Variants in PDE3A observed in about 807,000 individuals in gnomAD.
PDE3A encodes the protein cGMP-inhibited 3',5'-cyclic phosphodiesterase 3A.
In PDE3A, 43 loss-of-function variants were observed where a neutral mutation model predicts 98.3. That is an observed-to-expected ratio of 0.44 (90% CI 0.34 to 0.56). The LOEUF (loss-of-function observed/expected upper bound fraction) is 0.56, where lower values mean the gene tolerates loss of function less well. Ranked by LOEUF, PDE3A falls within the 20% of genes least tolerant of loss-of-function variation. The probability of loss-of-function intolerance (pLI) is 0.01; values close to 1 mark genes in which losing one functional copy is unlikely to be tolerated. For synonymous variants in PDE3A, 663 were observed against 567.9 expected (o/e 1.17, Z -2.38); for missense variants, 1,427 against 1,440.7 (o/e 0.99, Z 0.15).
At chr12:20,543,774 A>G (rs528494158) in intron 1 of PDE3A, among the ~76,000 whole-genome samples, 9 of 152,020 alleles carry the variant, frequency 5.9e-5, no homozygotes, top group Non-Finnish European at 1.3e-4. Flanking sequence ...CCTAAGTTTG[A>G]TTATATACTT....
intron 2 of PDE3A, among the ~76,000 whole-genome samples, chr12:20,593,925 G>A (rs1943402412): frequency 6.6e-6 from 1 of 152,068 alleles, no homozygotes; most frequent in Non-Finnish European, 1.5e-5. Context: ...AGCAGACAGT[G>A]AGTTTGTTCT....
At chr12:20,450,508 C>T (rs1340074055) in intron 1 of PDE3A, among the ~76,000 whole-genome samples, 6 of 152,218 alleles carry the variant, frequency 3.9e-5, no homozygotes, top group African/African-American at 1.4e-4. Context: ...TAGAAAACTC[C>T]TTCAGCTTGA....
chr12:20,559,546 C>T (rs1180994368), intron 2 of PDE3A, among the ~76,000 whole-genome samples: 2 of 151,318 alleles, frequency 1.3e-5, no homozygotes, highest in African/African-American at 2.4e-5. Context: ...ATGGTGGGTT[C>T]TGTAATCCCA....
intron 4 of PDE3A, among the ~76,000 whole-genome samples, chr12:20,617,678 A>G (rs1409124132): frequency 6.6e-6 from 1 of 152,164 alleles, no homozygotes; most frequent in Non-Finnish European, 1.5e-5. Context: ...TTGCCAGTGC[A>G]ACTTGCTAAG....
At chr12:20,498,277 C>G (rs1945959955) in intron 1 of PDE3A, among the ~76,000 whole-genome samples, 1 of 151,970 alleles carries the variant, frequency 6.6e-6, no homozygotes, top group Admixed American at 6.6e-5. Flanking sequence ...ACCGCCCACC[C>G]CCCCAACTGA....
At chr12:20,444,390 T>G (rs1181984941) in intron 1 of PDE3A, among the ~76,000 whole-genome samples, 3 of 152,174 alleles carry the variant, frequency 2.0e-5, no homozygotes, top group Non-Finnish European at 2.9e-5. Flanking sequence ...CAATGTCTCT[T>G]AAACCCATAA....
intron 1 of PDE3A, among the ~76,000 whole-genome samples, chr12:20,417,114 G>T (rs1944433518): frequency 6.6e-6 from 1 of 152,146 alleles, no homozygotes. Flanking sequence ...TGTGGACATT[G>T]TTAGTCTATA....
chr12:20,476,423 C>T (rs1038944754), intron 1 of PDE3A, among the ~76,000 whole-genome samples: 3 of 152,172 alleles, frequency 2.0e-5, no homozygotes, highest in Admixed American at 1.3e-4. Flanking sequence ...AGATTGTCAA[C>T]TCTTCTGTGA....
intron 12 of PDE3A, 56 bp downstream of exon 12, chr12:20,647,006 A>C: frequency 1.6e-6 from 2 of 1,254,998 alleles, no homozygotes; most frequent in Non-Finnish European, 2.3e-6. Flanking sequence ...CAAGAAAGTG[A>C]AGTTCAGTGT....
At chr12:20,403,120 G>T (rs1388933936) in intron 1 of PDE3A, among the ~76,000 whole-genome samples, 1 of 152,102 alleles carries the variant, frequency 6.6e-6, no homozygotes, top group Non-Finnish European at 1.5e-5. Flanking sequence ...TACTGTGTGG[G>T]TGATTTTAAT....
intron 13 of PDE3A, among the ~76,000 whole-genome samples, chr12:20,649,278 A>T (rs1194609350): frequency 6.6e-6 from 1 of 152,074 alleles, no homozygotes; most frequent in East Asian, 1.9e-4. Context: ...CATGGAAGCA[A>T]ACTGTTGAAC....
At chr12:20,591,263 T>C (rs1943332772) in intron 2 of PDE3A, among the ~76,000 whole-genome samples, 1 of 152,236 alleles carries the variant, frequency 6.6e-6, no homozygotes, top group Admixed American at 6.5e-5. Context: ...TTTCATATGT[T>C]GGGCAGTGCT....
chr12:20,635,381 C>A (rs540672225), intron 8 of PDE3A, among the ~76,000 whole-genome samples: 8 of 152,168 alleles, frequency 5.3e-5, no homozygotes, highest in African/African-American at 1.7e-4. Context: ...CCAGCCTGAC[C>A]AACATGGTGA....
rs541470684 is a variant in PDE3A at position 20,456,579 on chromosome 12, G to A, written c.960+86335G>A. 3.3e-5 allele frequency among the ~76,000 whole-genome samples: 5 copies of A among 152,042 alleles called. No homozygotes were observed. The South Asian group carries it at 6.2e-4, about 19-fold the overall frequency. On this transcript the variant is annotated intron_variant, in intron 1 of 15. Coordinates refer to ENST00000359062, the MANE Select transcript of PDE3A (RefSeq NM_000921.5). ...GACCAGAGTTCCAGTAATTAAAAAC[G>A]TGACCTACTCTGTACAATACTCTAG...
chr12:20,599,332 T>C (rs1260694921), intron 2 of PDE3A, among the ~76,000 whole-genome samples: 2 of 152,166 alleles, frequency 1.3e-5, no homozygotes, highest in Non-Finnish European at 2.9e-5. Context: ...TTGTTGCCTT[T>C]TCAAGTCAAA....
intron 1 of PDE3A, among the ~76,000 whole-genome samples, chr12:20,495,245 G>A (rs1183239903): frequency 6.6e-6 from 1 of 151,810 alleles, no homozygotes; most frequent in Admixed American, 6.6e-5. Flanking sequence ...TACAAGTTCT[G>A]TTCATCTAGT....
rs759648634 is a variant in PDE3A, at chr12:20,659,054, C to A, written c.3184+4849C>A. ...CTCTCTTACAGAGAGACTGTAAACT[C>A]CTTTAAGGCAAGATCTGAGCTTAAT... On this transcript the variant is annotated intron_variant, in intron 15 of 15. Transcript: ENST00000359062. Among the ~76,000 whole-genome samples the A allele has an allele frequency of 7.9e-5, 12 of 152,084 alleles. 1 individual carries two copies. Among genetic ancestry groups the A allele is most frequent in the Non-Finnish European group, 1.6e-4 (11 of 68,030 alleles).
At chr12:20,659,932 G>A (rs962668981) in intron 15 of PDE3A, among the ~76,000 whole-genome samples, 1 of 152,184 alleles carries the variant, frequency 6.6e-6, no homozygotes, top group Admixed American at 6.5e-5. Flanking sequence ...GGTCTTCACA[G>A]ATATTACATA....
chr12:20,410,211 T>C (rs17325011), intron 1 of PDE3A, among the ~76,000 whole-genome samples: 3,965 of 152,312 alleles, frequency 0.026, 83 homozygotes, highest in Admixed American at 0.06. Flanking sequence ...TCCTTTTTTG[T>C]AGCCATCCTC....
Sources: gnomAD v4.1 joint callset for allele counts (sites outside exome capture counted in the v4.1 genomes callset) on GRCh38, gnomAD v4.1.1 for gene constraint, MANE v1.5 for transcripts, NCBI Gene and HGNC (gene_info 2026-07-23, HGNC 2026-07-21) for gene names.